ANKRD40: variants seen among roughly 807,000 people sequenced by gnomAD.
ANKRD40 encodes ankyrin repeat domain-containing protein 40.
Under a neutral mutation model 35.5 loss-of-function variants are expected in ANKRD40, and 24 were observed. That is an observed-to-expected ratio of 0.68 (90% CI 0.49 to 0.95). The LOEUF is 0.95. ANKRD40 is among the 40% of genes least tolerant of loss of function. The pLI is 0.00. For missense variants in ANKRD40, 361 were observed against 436.0 expected (o/e 0.83, Z 1.53); for synonymous variants, 147 against 173.5 (o/e 0.85, Z 1.20).
Position 50,707,778 on chromosome 17 carries a change from C to T in ANKRD40, c.-124G>A, listed in dbSNP as rs2093371282. 1.6e-6 allele frequency: 1 copy of T among 618,628 alleles called. No individual in the cohort carries two copies. The highest frequency in any genetic ancestry group is 6.9e-5 in the South Asian group (1 of 14,478). 38.3% of individuals were successfully genotyped at this position (618,628 alleles called of 1,614,324 possible). A position where few individuals can be genotyped will look rare whatever the true frequency, so the allele number is the denominator to read the frequency against. ...GGGAGGGAGCGCGGAACTCGCCCGCCCTGCTCGCGCCGCTGCCCGCGCCCG... is the reference window on the plus strand; with the variant it reads ...GGGAGGGAGCGCGGAACTCGCCCGCTCTGCTCGCGCCGCTGCCCGCGCCCG... On this transcript the variant is annotated 5_prime_UTR_variant, in exon 1 of 5. Coordinates refer to ENST00000285243, the MANE Select transcript of ANKRD40 (RefSeq NM_052855.4). This position sits in a 1 kb window ranked among gnomAD's most constrained non-coding sequence, Gnocchi z 4.8.
intron 1 of ANKRD40, among the ~76,000 whole-genome samples, chr17:50,706,694 G>A (rs1272552459): frequency 6.8e-6 from 1 of 146,804 alleles, no homozygotes; most frequent in Non-Finnish European, 1.5e-5. Flanking sequence ...TTGAGGCCAG[G>A]AGTTTGAGAC....
rs1009158589 is a variant in ANKRD40 at position 50,698,883 on chromosome 17, T to G, written c.778+516A>C. 4.0e-5 allele frequency among the ~76,000 whole-genome samples: 6 copies of G among 148,910 alleles called. No homozygotes were observed. The East Asian group carries it at 1.2e-3, about 30-fold the overall frequency. On this transcript the variant is annotated intron_variant, in intron 3 of 4. Transcript: ENST00000285243. The stretch of plus-strand genomic sequence containing the variant: ...AGCTGGGTGCGGTGATTCACACCTA[T>G]AATCTCAGCACTTTGGGAGGCTGAG...
intron 4 of ANKRD40, 51 bp from the exon 5 acceptor site, chr17:50,696,194 T>C (rs998707875): frequency 6.3e-7 from 1 of 1,580,332 alleles, no homozygotes; most frequent in Non-Finnish European, 8.6e-7. Flanking sequence ...TGTCTCCATA[T>C]GTTTGGTGCA....
chr17:50,696,997 A>T lies in ANKRD40; in HGVS notation c.903T>A (p.Gly301=), dbSNP rs757615177. The T allele has an allele frequency of 4.3e-6, 7 of 1,613,976 alleles. No homozygotes were observed. Among genetic ancestry groups the T allele is most frequent in the Non-Finnish European group, 5.9e-6 (7 of 1,179,946 alleles). ...ELLRVCCCEL[G]VNPDQVEKIR... ...TCTTCTCCACTTGATCTGGATTAACACCCAGCTCACAGCAACACACTCTGA... is the reference window on the plus strand; with the variant it reads ...TCTTCTCCACTTGATCTGGATTAACTCCCAGCTCACAGCAACACACTCTGA... The change falls in exon 4 of 5, where the codon GGT becomes GGA. Residue 301 remains glycine, a synonymous_variant. Transcript: ENST00000285243.
chr17:50,698,634 G>C (rs1485350765), intron 3 of ANKRD40, among the ~76,000 whole-genome samples: 2 of 152,078 alleles, frequency 1.3e-5, no homozygotes, highest in African/African-American at 4.8e-5. Context: ...CAGGATGCAG[G>C]GGGCAGAGGA....
intron 1 of ANKRD40, 75 bp from the exon 2 acceptor site, chr17:50,700,791 A>G: frequency 7.1e-7 from 1 of 1,408,164 alleles, no homozygotes; most frequent in Non-Finnish European, 9.6e-7. Flanking sequence ...TTAGTAAATA[A>G]TGTATAAACA....
intron 2 of ANKRD40, 42 bp downstream of exon 2, chr17:50,700,526 T>A (rs752246808): frequency 6.3e-7 from 1 of 1,598,412 alleles, no homozygotes; most frequent in Non-Finnish European, 8.6e-7. Context: ...AAGTCTTCAA[T>A]GAGTCTGAGG....
At position 50,695,702 on chromosome 17, in the gene ANKRD40, A is replaced by C. The variant is rs576592235; in HGVS notation, c.*295T>G. ...GCTGCTGCTTAGACAACTCTCTTAC[A>C]TTCTGGACATAAAACACACTGGATA... On this transcript the variant is annotated 3_prime_UTR_variant, in exon 5 of 5. Coordinates refer to ENST00000285243, the MANE Select transcript of ANKRD40 (RefSeq NM_052855.4). 29 of 258,860 alleles carry C rather than the reference A, an allele frequency of 1.1e-4. No individual in the cohort carries two copies. The highest frequency in any genetic ancestry group is 6.4e-4 in the African/African-American group (29 of 45,504). The allele number at this position is 258,860 out of a possible 1,614,324, so 16.0% of individuals were successfully genotyped here.
chr17:50,699,222 T>G (rs1429742307), intron 3 of ANKRD40, among the ~76,000 whole-genome samples, 177 bp downstream of exon 3: 2 of 151,942 alleles, frequency 1.3e-5, no homozygotes, highest in Non-Finnish European at 2.9e-5. Context: ...TACTGAAGGG[T>G]ATCAGGGTAA....
At chr17:50,701,608 C>T (rs1281796206) in intron 1 of ANKRD40, among the ~76,000 whole-genome samples, 1 of 152,180 alleles carries the variant, frequency 6.6e-6, no homozygotes, top group East Asian at 1.9e-4. Context: ...GCAACTAAAT[C>T]CATCCCTAGG....
intron 4 of ANKRD40, 147 bp downstream of exon 4, chr17:50,696,793 G>T (rs2146655563): frequency 4.2e-6 from 3 of 716,344 alleles, no homozygotes; most frequent in Non-Finnish European, 6.3e-6. Context: ...TATAGACTCA[G>T]TAGAAGGAAA....
At chr17:50,706,734 C>CAAAAAAAAA (rs756189222) in intron 1 of ANKRD40, among the ~76,000 whole-genome samples, 1 of 93,636 alleles carries the variant, frequency 1.1e-5, no homozygotes, top group Non-Finnish European at 2.3e-5. Flanking sequence ...CCAAAAATAC[C>CAAAAAAAAA]AAAAAAAAAA....
At chr17:50,696,282 G>A in intron 4 of ANKRD40, 139 bp from the exon 5 acceptor site, 1 of 999,152 alleles carries the variant, frequency 1.0e-6, no homozygotes. Flanking sequence ...CTAAGTCAGT[G>A]ATAGTGCAAC....
chr17:50,703,217 AAAC>A (rs1235974864), intron 1 of ANKRD40, among the ~76,000 whole-genome samples: 7 of 152,214 alleles, frequency 4.6e-5, no homozygotes, highest in African/African-American at 1.7e-4. Flanking sequence ...CATAATAAGA[AAAC>A]AACAACAATG....
intron 1 of ANKRD40, among the ~76,000 whole-genome samples, chr17:50,702,045 G>A (rs529339129): frequency 6.6e-6 from 1 of 152,200 alleles, no homozygotes; most frequent in African/African-American, 2.4e-5. Context: ...TTAAGTTTGG[G>A]AGAGAAGAGT....
In ANKRD40 at chr17:50,695,945, C is replaced by T; in HGVS notation, c.*52G>A. On this transcript the variant is annotated 3_prime_UTR_variant, in exon 5 of 5. Coordinates refer to ENST00000285243, the MANE Select transcript of ANKRD40 (RefSeq NM_052855.4). ...TTTAGATCAATGGCTTGTCCTTGGC[C>T]CAGAGGTGATGCACACTGTCATAAT... 6.2e-7 allele frequency: 1 copy of T among 1,601,652 alleles called. No homozygotes were observed. The highest frequency in any genetic ancestry group is 2.2e-5 in the East Asian group (1 of 44,744).
chr17:50,699,056 G>A lies in ANKRD40; in HGVS notation c.778+343C>T, dbSNP rs546553488. Among the ~76,000 whole-genome samples, 14 of 151,980 alleles carry A rather than the reference G, an allele frequency of 9.2e-5. No individual in the cohort carries two copies. In the East Asian group the frequency reaches 2.7e-3, roughly 29 times the overall value. On this transcript the variant is annotated intron_variant, in intron 3 of 4. Transcript: ENST00000285243. ...CTCCTGTAATCTCAGCTACTTGGGA[G>A]GCTGAGGCAGAAGAATCACTTGAAC...
chr17:50,707,646 G>T lies in ANKRD40; in HGVS notation c.9C>A (p.Ala3=). ...CCTGCTGCTCCTTCTGCTCTAGGAG[G>T]GCGTTCATCTTCCCACAGCCCCAGG... is the stretch of plus-strand genomic sequence containing the variant. The part of the protein sequence containing the change: MN[A]LLEQKEQQER... The change falls in exon 1 of 5, where the codon GCC becomes GCA. Residue 3 remains alanine (A), a synonymous_variant. Coordinates refer to ENST00000285243, the MANE Select transcript of ANKRD40 (RefSeq NM_052855.4). The surrounding 1 kb of genome is among the most constrained non-coding windows in gnomAD (Gnocchi z 4.8). 6.4e-7 allele frequency: 1 copy of T among 1,566,188 alleles called. No homozygotes were observed. The highest frequency in any genetic ancestry group is 1.8e-5 in the Admixed American group (1 of 54,574).
chr17:50,699,919 TAC>T, intron 2 of ANKRD40, 26 bp from the exon 3 acceptor site: 2 of 1,463,304 alleles, frequency 1.4e-6, no homozygotes, highest in South Asian at 1.5e-5. Context: ...ACAGAACATT[TAC>T]ACAGTCCTTT....
Sources: gnomAD v4.1 joint callset for allele counts (sites outside exome capture counted in the v4.1 genomes callset) on GRCh38, gnomAD v4.1.1 for gene constraint, Gnocchi (gnomAD v3.1) non-coding constraint, MANE v1.5 for transcripts, NCBI Gene and HGNC (gene_info 2026-07-23, HGNC 2026-07-21) for gene names.